The following FAM135B variants were observed in gnomAD, a reference collection of about 807,000 sequenced individuals.
FAM135B encodes family with sequence similarity 135 member B, also known as protein FAM135B.
FAM135B carries 43 observed loss-of-function variants against 127.7 expected under a neutral mutation model. The observed-to-expected ratio is 0.34, with a 90% CI of 0.26 to 0.43. FAM135B has a LOEUF of 0.43. Among genes scored for constraint, FAM135B ranks in the 20% least tolerant of loss-of-function variants. The pLI is 1.00. For synonymous variants in FAM135B, 670 were observed against 665.1 expected, an observed-to-expected ratio of 1.01 and a Z score of -0.11; for missense variants, 1,558 against 1,725.6, an observed-to-expected ratio of 0.90 and a Z score of 1.72.
chr8:138,496,774 G>GGCGGCGGCGGGCGGACTGGGGAGTCC lies in FAM135B; in HGVS notation c.-149_-124dup, dbSNP rs1366849183. 2 of 154,080 alleles carry GGCGGCGGCGGGCGGACTGGGGAGTCC rather than the reference G, an allele frequency of 1.3e-5. No individual in the cohort carries two copies. The highest frequency in any genetic ancestry group is 1.9e-4 in the East Asian group (1 of 5,214). 9.5% of individuals were successfully genotyped at this position (154,080 alleles called of 1,614,324 possible). A position where few individuals can be genotyped will look rare whatever the true frequency, so the allele number is the denominator to read the frequency against. On this transcript the variant is annotated 5_prime_UTR_variant, in exon 1 of 20. Transcript: ENST00000395297. ...TCTGGCCGCCAACAGTTGCGGCGGC[G>GGCGGCGGCGGGCGGACTGGGGAGTCC]GCGGCGGCGGGCGGACTGGGGAGTC...
At chr8:138,482,398 T>C (rs1215981442) in intron 1 of FAM135B, among the ~76,000 whole-genome samples, 2 of 152,308 alleles carry the variant, frequency 1.3e-5, no homozygotes, top group East Asian at 1.9e-4. Context: ...GTTGACTTTA[T>C]GAGTGCATGC....
At chr8:138,404,256 C>A (rs1383734759) in intron 1 of FAM135B, among the ~76,000 whole-genome samples, 1 of 152,002 alleles carries the variant, frequency 6.6e-6, no homozygotes, top group Non-Finnish European at 1.5e-5. Flanking sequence ...ATTAAGTGTG[C>A]AATGCCATTA....
chr8:138,137,353 T>C (rs1816753781), intron 18 of FAM135B, 93 bp from the exon 19 acceptor site: 13 of 745,126 alleles, frequency 1.7e-5, no homozygotes, highest in Non-Finnish European at 2.2e-5. Context: ...ACTTGTCCTA[T>C]AGAGAGAAAA....
At chr8:138,384,892 G>A (rs2131301157) in intron 1 of FAM135B, among the ~76,000 whole-genome samples, 1 of 152,078 alleles carries the variant, frequency 6.6e-6, no homozygotes, top group East Asian at 1.9e-4. Context: ...AGCAGCAGAG[G>A]GGATGGGAGA....
intron 7 of FAM135B, among the ~76,000 whole-genome samples, chr8:138,213,152 T>C (rs1348077817): frequency 1.3e-5 from 2 of 152,100 alleles, no homozygotes; most frequent in Admixed American, 1.3e-4. Context: ...CTCCTGAGAG[T>C]TCCTGCCTTC....
At chr8:138,306,042 A>G (rs1227011191) in intron 3 of FAM135B, among the ~76,000 whole-genome samples, 1 of 152,122 alleles carries the variant, frequency 6.6e-6, no homozygotes, top group African/African-American at 2.4e-5. Context: ...GTTTCTGAAA[A>G]TCCCCATCAC....
intron 3 of FAM135B, among the ~76,000 whole-genome samples, chr8:138,299,588 C>CAT (rs773224697): frequency 6.3e-4 from 95 of 149,704 alleles, no homozygotes; most frequent in Admixed American, 1.2e-3. Flanking sequence ...TACACACATA[C>CAT]ACACACACAC....
intron 3 of FAM135B, 122 bp from the exon 4 acceptor site, chr8:138,265,964 G>T: frequency 9.8e-7 from 1 of 1,018,070 alleles, no homozygotes; most frequent in South Asian, 1.8e-5. Context: ...AATTTCCAAA[G>T]CTTAAAATCA....
chr8:138,134,561 T>G (rs1283129537), intron 19 of FAM135B, among the ~76,000 whole-genome samples: 1 of 151,892 alleles, frequency 6.6e-6, no homozygotes, highest in African/African-American at 2.4e-5. Flanking sequence ...GATGGACTTT[T>G]GGGATAGGGG....
intron 12 of FAM135B, among the ~76,000 whole-genome samples, chr8:138,155,796 C>T (rs1259967700): frequency 6.6e-6 from 1 of 152,140 alleles, no homozygotes; most frequent in Non-Finnish European, 1.5e-5. Flanking sequence ...ATTCATAAAG[C>T]AAGTCCTTAG....
At chr8:138,218,382 A>G (rs1298024709) in intron 7 of FAM135B, among the ~76,000 whole-genome samples, 3 of 152,212 alleles carry the variant, frequency 2.0e-5, no homozygotes, top group African/African-American at 7.2e-5. Context: ...TCACATGGGG[A>G]TAGCAATATG....
At position 138,151,603 on chromosome 8, in the gene FAM135B, C is replaced by T. The variant is rs372422603; in HGVS notation, c.2872G>A (p.Gly958Ser). The change falls in exon 13 of 20, where the codon GGT becomes AGT. Residue 958 changes from glycine (G) to serine (S), a missense_variant. This residue lies in a region of FAM135B where 923 missense variants were observed against 865.3 expected (regional missense o/e 1.07). Transcript: ENST00000395297. Reference protein sequence around the residue: ...RNSTGQQSQSGSPCIMDDTAF... With the variant: ...RNSTGQQSQSSSPCIMDDTAF... Reference sequence around the variant, plus strand: ...GTGTCATCCATAATGCAAGGTGAACCGCTTTGGCTTTGCTGGCCTGTTGAG... The same window carrying T: ...GTGTCATCCATAATGCAAGGTGAACTGCTTTGGCTTTGCTGGCCTGTTGAG... 3.3e-5 allele frequency: 53 copies of T among 1,614,142 alleles called. No individual in the cohort carries two copies. Among genetic ancestry groups the T allele is most frequent in the Middle Eastern group, 3.3e-4 (2 of 6,060 alleles).
intron 2 of FAM135B, among the ~76,000 whole-genome samples, chr8:138,316,456 A>T (rs35816551): frequency 0.23 from 34,517 of 150,348 alleles, 4,443 homozygotes; most frequent in East Asian, 0.38. Flanking sequence ...ATCGCGCCAC[A>T]GCACTCCCGC....
At chr8:138,137,959 C>A (rs1257304186) in intron 18 of FAM135B, among the ~76,000 whole-genome samples, 2 of 152,172 alleles carry the variant, frequency 1.3e-5, no homozygotes, top group Non-Finnish European at 2.9e-5. Flanking sequence ...GCTGTCAGCT[C>A]TTAGCTATGT....
intron 1 of FAM135B, among the ~76,000 whole-genome samples, chr8:138,433,500 G>C (rs1439175896): frequency 6.6e-6 from 1 of 150,800 alleles, no homozygotes; most frequent in Non-Finnish European, 1.5e-5. Flanking sequence ...TCCCAGCCTG[G>C]ATGACAGAGC....
intron 3 of FAM135B, among the ~76,000 whole-genome samples, chr8:138,281,580 C>T (rs992405628): frequency 7.9e-5 from 12 of 151,906 alleles, no homozygotes; most frequent in African/African-American, 2.4e-4. Flanking sequence ...AATGTTGTTC[C>T]ACTCCTCCCC....
intron 1 of FAM135B, among the ~76,000 whole-genome samples, chr8:138,477,087 G>A (rs1814510394): frequency 6.6e-6 from 1 of 152,118 alleles, no homozygotes. Flanking sequence ...GTCCTTCCTT[G>A]CATCTGAGCT....
intron 3 of FAM135B, among the ~76,000 whole-genome samples, chr8:138,288,636 T>C (rs903303380): frequency 3.9e-5 from 6 of 152,144 alleles, no homozygotes. Flanking sequence ...GGTGAGTTGA[T>C]GCCAAAGAGA....
chr8:138,308,043 G>A (rs548318155), intron 3 of FAM135B, among the ~76,000 whole-genome samples: 5 of 152,232 alleles, frequency 3.3e-5, no homozygotes, highest in South Asian at 4.1e-4. Context: ...GTCTATTTCC[G>A]TTCCCCTGGG....
Sources: allele counts gnomAD v4.1 joint callset (sites outside exome capture counted in the v4.1 genomes callset), GRCh38; gene constraint gnomAD v4.1.1; regional missense constraint gnomAD v4.1.1; transcripts MANE v1.5; gene names NCBI Gene and HGNC (gene_info 2026-07-23, HGNC 2026-07-21).